FARP1: variants seen among roughly 807,000 people sequenced by gnomAD.
FARP1 encodes FERM, ARH/RhoGEF and pleckstrin domain protein 1, also known as FERM, ARHGEF and pleckstrin domain-containing protein 1.
FARP1 carries 52 observed loss-of-function variants against 128.8 expected under a neutral mutation model. The observed-to-expected ratio is 0.40, with a 90% confidence interval of 0.32 to 0.51. The LOEUF is 0.51. FARP1 is among the 20% of genes least tolerant of loss of function. FARP1 has a pLI of 0.45. For synonymous variants in FARP1, 580 were observed against 551.8 expected (o/e 1.05, Z -0.72); for missense variants, 1,333 against 1,367.9 (o/e 0.97, Z 0.40).
At chr13:98,147,104 C>G (rs1166299721) in intron 1 of FARP1, among the ~76,000 whole-genome samples, 1 of 152,174 alleles carries the variant, frequency 6.6e-6, no homozygotes, top group Non-Finnish European at 1.5e-5. Context: ...CCCCAGAAAA[C>G]GTGTATTTAA....
At chr13:98,183,494 A>G (rs1878661843) in intron 1 of FARP1, among the ~76,000 whole-genome samples, 1 of 152,200 alleles carries the variant, frequency 6.6e-6, no homozygotes, top group Non-Finnish European at 1.5e-5. Context: ...ATTCCTGGGC[A>G]TGGGACCTCT....
At chr13:98,374,822 C>G (rs759765040) in intron 5 of FARP1, among the ~76,000 whole-genome samples, 2 of 152,146 alleles carry the variant, frequency 1.3e-5, no homozygotes, top group East Asian at 3.8e-4. Context: ...TGCTTCCACT[C>G]GTGGTAGAAG....
chr13:98,350,252 C>G (rs1361174644), intron 3 of FARP1, among the ~76,000 whole-genome samples: 1 of 152,126 alleles, frequency 6.6e-6, no homozygotes, highest in Non-Finnish European at 1.5e-5. Context: ...GGGAGATGCT[C>G]CAGCTCTCAA....
intron 1 of FARP1, among the ~76,000 whole-genome samples, chr13:98,174,933 A>C (rs866112393): frequency 1.3e-5 from 2 of 152,090 alleles, no homozygotes; most frequent in Admixed American, 1.3e-4. Context: ...TGTGCCCTCA[A>C]CCACGGCTCT....
chr13:98,269,553 T>C (rs1884290895), intron 2 of FARP1, among the ~76,000 whole-genome samples: 1 of 152,222 alleles, frequency 6.6e-6, no homozygotes, highest in Admixed American at 6.5e-5. Flanking sequence ...TATTTGCTTT[T>C]GGCAAATGAG....
chr13:98,230,896 G>A (rs1188799415), intron 2 of FARP1, among the ~76,000 whole-genome samples: 3 of 152,186 alleles, frequency 2.0e-5, no homozygotes, highest in Non-Finnish European at 2.9e-5. Context: ...GGACTCACAG[G>A]TTGGGAAGGC....
At chr13:98,385,846 T>C (rs753346578) in intron 8 of FARP1, 32 bp downstream of exon 8, 1 of 1,609,418 alleles carries the variant, frequency 6.2e-7, no homozygotes, top group Non-Finnish European at 8.5e-7. Context: ...CCTGGTTCCC[T>C]TGGTGACAGA....
chr13:98,365,894 GGTGTGT>G (rs55871546), intron 4 of FARP1, among the ~76,000 whole-genome samples: 19 of 148,378 alleles, frequency 1.3e-4, no homozygotes, highest in Non-Finnish European at 1.8e-4. Flanking sequence ...GTGTGTATGT[GGTGTGT>G]GTGTGTGTGT....
chr13:98,305,265 T>A (rs1886094886), intron 2 of FARP1, among the ~76,000 whole-genome samples: 1 of 152,120 alleles, frequency 6.6e-6, no homozygotes, highest in African/African-American at 2.4e-5. Context: ...CTCATGCATT[T>A]AGATCAGTTT....
chr13:98,316,601 T>A (rs1886731413), intron 2 of FARP1, among the ~76,000 whole-genome samples: 1 of 152,206 alleles, frequency 6.6e-6, no homozygotes, highest in South Asian at 2.1e-4. Context: ...CTCTTTCGCC[T>A]TGGGGGTCTC....
intron 1 of FARP1, among the ~76,000 whole-genome samples, chr13:98,211,049 A>T (rs576341057): frequency 6.6e-6 from 1 of 152,052 alleles, no homozygotes; most frequent in Non-Finnish European, 1.5e-5. Context: ...CTTTAGTTAT[A>T]TATAGTACCA....
intron 2 of FARP1, among the ~76,000 whole-genome samples, chr13:98,241,300 T>C (rs978962300): frequency 7.3e-5 from 11 of 151,640 alleles, no homozygotes; most frequent in African/African-American, 2.4e-4. Context: ...GTGGACGGCA[T>C]GTGCTGGGGG....
At chr13:98,184,577 G>A (rs1054721912) in intron 1 of FARP1, among the ~76,000 whole-genome samples, 7 of 152,158 alleles carry the variant, frequency 4.6e-5, no homozygotes, top group African/African-American at 1.7e-4. Context: ...TCTTAAGGAA[G>A]TACGACTCTA....
chr13:98,378,714 T>C (rs1436672671), intron 6 of FARP1, among the ~76,000 whole-genome samples: 1 of 151,546 alleles, frequency 6.6e-6, no homozygotes, highest in East Asian at 1.9e-4. Context: ...TCTCTCTCAG[T>C]AGTCAAAAAG....
chr13:98,202,549 C>G (rs1378371494), intron 1 of FARP1, among the ~76,000 whole-genome samples: 1 of 152,136 alleles, frequency 6.6e-6, no homozygotes, highest in Non-Finnish European at 1.5e-5. Context: ...CAAAAAGTTT[C>G]TCTTCATCTA....
chr13:98,343,569 A>G (rs1206217051), intron 2 of FARP1, among the ~76,000 whole-genome samples, 193 bp from the exon 3 acceptor site: 1 of 152,206 alleles, frequency 6.6e-6, no homozygotes, highest in East Asian at 1.9e-4. Context: ...TTTGCATCCA[A>G]TTTTGGGAAC....
At chr13:98,429,565 T>C (rs1330580492) in intron 17 of FARP1, among the ~76,000 whole-genome samples, 1 of 152,190 alleles carries the variant, frequency 6.6e-6, no homozygotes, top group Non-Finnish European at 1.5e-5. Flanking sequence ...GACGGGTTCA[T>C]ACAAGGAAAG....
intron 1 of FARP1, among the ~76,000 whole-genome samples, chr13:98,206,012 G>C (rs1213730350): frequency 6.6e-6 from 1 of 152,024 alleles, no homozygotes; most frequent in Non-Finnish European, 1.5e-5. Flanking sequence ...CATTTTCTTT[G>C]GATGTTCATC....
At chr13:98,175,564 C>T (rs1877946767) in intron 1 of FARP1, among the ~76,000 whole-genome samples, 2 of 151,824 alleles carry the variant, frequency 1.3e-5, no homozygotes, top group Non-Finnish European at 2.9e-5. Flanking sequence ...AAAATGTACC[C>T]TTAACCATTT....
Sources: allele counts gnomAD v4.1 joint callset (sites outside exome capture counted in the v4.1 genomes callset), GRCh38; gene constraint gnomAD v4.1.1; transcripts MANE v1.5; gene names NCBI Gene and HGNC (gene_info 2026-07-23, HGNC 2026-07-21).